SPG11: variants seen among roughly 807,000 people sequenced by gnomAD.
SPG11 encodes the protein spatacsin.
A neutral mutation model predicts 274.0 loss-of-function variants in SPG11; 222 were observed. The observed-to-expected ratio is 0.81, with a 90% CI of 0.73 to 0.91. SPG11 has a LOEUF of 0.91. SPG11 is among the 40% of genes least tolerant of loss of function. The probability of loss-of-function intolerance (pLI) is 0.00; values close to 1 mark genes in which losing one functional copy is unlikely to be tolerated. For missense variants in SPG11, 3,114 were observed against 2,872.7 expected (o/e 1.08, Z -1.92); for synonymous variants, 1,144 against 1,039.7 (o/e 1.10, Z -1.93).
At chr15:44,597,278 A>C (rs1187232267) in intron 23 of SPG11, 2 of 275,714 alleles carry the variant, frequency 7.3e-6, no homozygotes, top group Non-Finnish European at 1.4e-5. Context: ...ACACCCGGCT[A>C]ATTTTGTATT....
At chr15:44,636,925 C>CAAAAAAAAAAAAAAAAAAAAAAAAAAA (rs370928375) in intron 7 of SPG11, among the ~76,000 whole-genome samples, 1 of 19,450 alleles carries the variant, frequency 5.1e-5, no homozygotes, top group Non-Finnish European at 8.0e-5. Context: ...GACTCCATCT[C>CAAAAAAAAAAAAAAAAAAAAAAAAAAA]AAAAAAAAAA....
intron 28 of SPG11, among the ~76,000 whole-genome samples, 177 bp from the exon 29 acceptor site, chr15:44,586,027 TA>T (rs2082757432): frequency 7.7e-6 from 1 of 129,838 alleles, no homozygotes; most frequent in Non-Finnish European, 1.6e-5. Context: ...CACTGTCACC[TA>T]GGCTGGAATG....
chr15:44,596,696 A>AAT, intron 24 of SPG11, 88 bp downstream of exon 24: 1 of 567,670 alleles, frequency 1.8e-6, no homozygotes, highest in Non-Finnish European at 3.3e-6. Flanking sequence ...AAAAAGGCCT[A>AAT]TGTCATGTCT....
chr15:44,597,720 C>T (rs773024255), intron 23 of SPG11, among the ~76,000 whole-genome samples: 23 of 152,272 alleles, frequency 1.5e-4, no homozygotes, highest in Non-Finnish European at 2.2e-4. Context: ...AAAAAGGGTG[C>T]GTTCTCAGGG....
intron 20 of SPG11, among the ~76,000 whole-genome samples, chr15:44,604,829 G>A (rs1381691436): frequency 6.8e-6 from 1 of 147,956 alleles, no homozygotes; most frequent in African/African-American, 2.5e-5. Context: ...TCGGGAGGCT[G>A]AGGCAGGAGA....
At chr15:44,625,995 A>G (rs1232761455) in intron 11 of SPG11, among the ~76,000 whole-genome samples, 1 of 152,116 alleles carries the variant, frequency 6.6e-6, no homozygotes, top group East Asian at 1.9e-4. Flanking sequence ...ACTTCTTTAT[A>G]GCAATATGAG....
chr15:44,564,654 AG>A lies in SPG11; in HGVS notation c.7043del (p.Ala2348ValfsTer8), dbSNP rs1442912535. 1 of 1,614,172 alleles carries A rather than the reference AG, an allele frequency of 6.2e-7. No homozygotes were observed. Among genetic ancestry groups the A allele is most frequent in the Admixed American group, 1.7e-5 (1 of 60,024 alleles). On this transcript the variant is annotated frameshift_variant, in exon 39 of 40. Transcript: ENST00000261866. LOFTEE classifies it high-confidence loss of function. The stretch of plus-strand genomic sequence containing the variant: ...GAATCACTTGCTGGTATAAAATTTC[AG>A]CCCAATCTGGAACAAAATCGTAGGC... Reference protein sequence around the residue: ...AEAYDFVPDWAEILYQQVILK... With the variant: ...AEAYDFVPDWXEILYQQVILK...
intron 8 of SPG11, among the ~76,000 whole-genome samples, chr15:44,631,803 CTT>C (rs1205482825): frequency 4.0e-5 from 4 of 100,454 alleles, no homozygotes; most frequent in Non-Finnish European, 4.0e-5. Context: ...CTGCACCCAG[CTT>C]TTTTTTTTTT....
Position 44,595,352 on chromosome 15 carries a change from G to A in SPG11, c.4542C>T (p.Thr1514=), listed in dbSNP as rs1428731672. The A allele has an allele frequency of 1.2e-6, 2 of 1,614,034 alleles. No homozygotes were observed. Among genetic ancestry groups the A allele is most frequent in the Admixed American group, 1.7e-5 (1 of 60,004 alleles). The stretch of plus-strand genomic sequence containing the variant: ...TGACTGAAAGATCCTCAAGGTTCCA[G>A]GTATGGTCCTCTGTTGAGTCCTGAA... ...GHIQDSTEDH[T]WNLEDLSVIW... Residue 1514 remains threonine, a synonymous_variant, in exon 26 of 40, where the codon ACC becomes ACT. Coordinates refer to ENST00000261866, the MANE Select transcript of SPG11 (RefSeq NM_025137.4).
chr15:44,641,631 AC>A (rs1182783669), intron 7 of SPG11, among the ~76,000 whole-genome samples: 4 of 151,250 alleles, frequency 2.6e-5, no homozygotes, highest in Middle Eastern at 3.2e-3. Context: ...ACACACACAC[AC>A]AAAACCTTAA....
intron 7 of SPG11, among the ~76,000 whole-genome samples, chr15:44,647,350 A>C (rs1177888458): frequency 6.6e-6 from 1 of 152,226 alleles, no homozygotes; most frequent in Non-Finnish European, 1.5e-5. Context: ...AAAATGGTGC[A>C]GTCACTGTGG....
intron 23 of SPG11, among the ~76,000 whole-genome samples, chr15:44,597,660 T>C (rs1013657063): frequency 6.6e-6 from 1 of 152,212 alleles, no homozygotes; most frequent in African/African-American, 2.4e-5. Context: ...TACATGTTCC[T>C]GCTGCAAGCA....
At position 44,613,575 on chromosome 15, in the gene SPG11, T is replaced by C. The variant is rs1420001130; in HGVS notation, c.3039-39A>G. The C allele has an allele frequency of 2.3e-6, 3 of 1,323,714 alleles. No homozygotes were observed. In the East Asian group the frequency reaches 6.9e-5, roughly 31 times the overall value. The allele number at this position is 1,323,714 out of a possible 1,614,324, so 82.0% of individuals were successfully genotyped here. A position where few individuals can be genotyped will look rare whatever the true frequency, so the allele number is the denominator to read the frequency against. Reference sequence around the variant, plus strand: ...AAACAAAAACCTTCTTTGATTAACATACAGGATAAGACAATTACAACCATT... The same window carrying C: ...AAACAAAAACCTTCTTTGATTAACACACAGGATAAGACAATTACAACCATT... On this transcript the variant is annotated intron_variant, in intron 16 of 39. Coordinates refer to ENST00000261866, the MANE Select transcript of SPG11 (RefSeq NM_025137.4).
chr15:44,638,433 C>T (rs946770832), intron 7 of SPG11, among the ~76,000 whole-genome samples: 1 of 151,930 alleles, frequency 6.6e-6, no homozygotes, highest in African/African-American at 2.4e-5. Context: ...TGCACTCCAG[C>T]CTGGGCGACA....
intron 10 of SPG11, among the ~76,000 whole-genome samples, chr15:44,627,190 G>A (rs1176269178): frequency 6.6e-6 from 1 of 151,928 alleles, no homozygotes; most frequent in African/African-American, 2.4e-5. Flanking sequence ...TATAGAGAGT[G>A]GACTAAAAGT....
chr15:44,657,883 T>G (rs2084985316), intron 3 of SPG11, among the ~76,000 whole-genome samples: 1 of 152,226 alleles, frequency 6.6e-6, no homozygotes, highest in South Asian at 2.1e-4. Context: ...AAAAATTAGC[T>G]GGGCGTGGCG....
At chr15:44,570,413 C>T in intron 34 of SPG11, 112 bp downstream of exon 34, 1 of 1,361,942 alleles carries the variant, frequency 7.3e-7, no homozygotes, top group Non-Finnish European at 1.0e-6. Context: ...GTAGTGGTAT[C>T]CAGATGGGCA....
chr15:44,662,198 C>G (rs2085130774), intron 1 of SPG11, among the ~76,000 whole-genome samples: 1 of 152,084 alleles, frequency 6.6e-6, no homozygotes, highest in African/African-American at 2.4e-5. Flanking sequence ...CTCTTTCGAG[C>G]AACTAGACAT....
chr15:44,653,596 T>C (rs973137060), intron 4 of SPG11, among the ~76,000 whole-genome samples: 10 of 147,926 alleles, frequency 6.8e-5, no homozygotes, highest in African/African-American at 2.6e-4. Context: ...TTAAAATAGT[T>C]CAGTTAAGAG....
Sources: allele counts gnomAD v4.1 joint callset (sites outside exome capture counted in the v4.1 genomes callset), GRCh38; gene constraint gnomAD v4.1.1; transcripts MANE v1.5; gene names NCBI Gene and HGNC (gene_info 2026-07-23, HGNC 2026-07-21).